Variants in RALGPS2 observed in about 807,000 individuals in gnomAD.
The protein encoded by RALGPS2 is Ral GEF with PH domain and SH3 binding motif 2, also known as ras-specific guanine nucleotide-releasing factor RalGPS2.
RALGPS2 carries 43 observed loss-of-function variants against 86.8 expected under a neutral mutation model. The ratio of observed to expected loss-of-function variants is 0.50; its 90% confidence interval spans 0.39 to 0.64. RALGPS2 has a LOEUF of 0.64. Ranked by LOEUF, RALGPS2 falls within the 30% of genes least tolerant of loss-of-function variation. The pLI is 0.00. For missense variants in RALGPS2, 536 were observed against 694.6 expected (o/e 0.77, Z 2.57); for synonymous variants, 243 against 231.3 (o/e 1.05, Z -0.46).
intron 1 of RALGPS2, among the ~76,000 whole-genome samples, chr1:178,767,923 A>G (rs1652594259): frequency 1.3e-5 from 2 of 152,158 alleles, no homozygotes. Flanking sequence ...CATCCAGCTG[A>G]GTTCCCACAG....
intron 7 of RALGPS2, among the ~76,000 whole-genome samples, chr1:178,830,888 C>CT (rs1256906026): frequency 1.3e-5 from 2 of 151,746 alleles, no homozygotes; most frequent in Non-Finnish European, 2.9e-5. Flanking sequence ...ATCCAGAACT[C>CT]TTAACAACGA....
At chr1:178,803,155 T>G (rs1252262946) in intron 4 of RALGPS2, among the ~76,000 whole-genome samples, 1 of 152,168 alleles carries the variant, frequency 6.6e-6, no homozygotes, top group African/African-American at 2.4e-5. Flanking sequence ...AGGTTCATAC[T>G]CTTTGACCTC....
intron 11 of RALGPS2, among the ~76,000 whole-genome samples, 163 bp from the exon 12 acceptor site, chr1:178,884,913 G>A (rs908782450): frequency 6.6e-6 from 1 of 152,082 alleles, no homozygotes; most frequent in Non-Finnish European, 1.5e-5. Context: ...TGTATGGTTT[G>A]GGATTTTGTG....
chr1:178,756,004 G>C (rs1172537951), intron 1 of RALGPS2, among the ~76,000 whole-genome samples: 4 of 151,912 alleles, frequency 2.6e-5, no homozygotes, highest in Non-Finnish European at 2.9e-5. Flanking sequence ...GTGTCTGTTT[G>C]TATCTTTTGT....
At chr1:178,901,684 T>C (rs961005773) in intron 17 of RALGPS2, among the ~76,000 whole-genome samples, 17 of 142,940 alleles carry the variant, frequency 1.2e-4, no homozygotes, top group African/African-American at 4.2e-4. Context: ...TGAGACTGTC[T>C]CAAAAAAAAA....
chr1:178,770,841 T>A (rs944690396), intron 1 of RALGPS2, among the ~76,000 whole-genome samples: 1 of 149,150 alleles, frequency 6.7e-6, no homozygotes, highest in Non-Finnish European at 1.5e-5. Context: ...TGTTGTTGTT[T>A]TTTTTTTTTT....
chr1:178,758,271 G>A (rs1177060598), intron 1 of RALGPS2, among the ~76,000 whole-genome samples: 1 of 151,572 alleles, frequency 6.6e-6, no homozygotes, highest in African/African-American at 2.4e-5. Flanking sequence ...TAATTCTTGG[G>A]GGTATATAGT....
At chr1:178,858,646 A>G (rs762082618) in intron 8 of RALGPS2, among the ~76,000 whole-genome samples, 4 of 152,210 alleles carry the variant, frequency 2.6e-5, no homozygotes, top group Admixed American at 1.3e-4. Flanking sequence ...ATTAAAGTTT[A>G]CATAGGGCTA....
At chr1:178,733,495 A>G (rs368446226) in intron 1 of RALGPS2, among the ~76,000 whole-genome samples, 1 of 152,370 alleles carries the variant, frequency 6.6e-6, no homozygotes, top group East Asian at 1.9e-4. Context: ...GAAAACCGCA[A>G]ATTAAAACTA....
intron 12 of RALGPS2, chr1:178,885,435 A>C (rs1284161367): frequency 1.2e-5 from 6 of 482,826 alleles, no homozygotes; most frequent in African/African-American, 2.0e-5. Flanking sequence ...ATATTTGGGG[A>C]CGATAAATGA....
At chr1:178,869,446 G>A (rs967769681) in intron 8 of RALGPS2, among the ~76,000 whole-genome samples, 1 of 152,066 alleles carries the variant, frequency 6.6e-6, no homozygotes, top group African/African-American at 2.4e-5. Context: ...TTAAGAAAAG[G>A]ATAAATAGTT....
rs1651347641 is a variant in RALGPS2 at position 178,746,676 on chromosome 1, A to G, written c.-84+21257A>G. ...TATAGCTGCAGAATATTCTCAAGTC[A>G]TGAATATTAGGTATCTGTCAATCTT... On this transcript the variant is annotated intron_variant, in intron 1 of 19. Transcript: ENST00000367635. 7 of 772,298 alleles carry G rather than the reference A, an allele frequency of 9.1e-6. No individual in the cohort carries two copies. In the South Asian group the frequency reaches 9.4e-5, roughly 10 times the overall value. 47.8% of individuals were successfully genotyped at this position (772,298 alleles called of 1,614,324 possible).
intron 19 of RALGPS2, among the ~76,000 whole-genome samples, chr1:178,909,871 G>A (rs371552551): frequency 1.3e-5 from 2 of 151,664 alleles, no homozygotes; most frequent in African/African-American, 4.8e-5. Flanking sequence ...GGATGGTCTC[G>A]ATCTCCTGAC....
rs771543522 is a variant in RALGPS2 at position 178,885,124 on chromosome 1, C to T, written c.953C>T (p.Ala318Val). 1 of 1,612,372 alleles carries T rather than the reference C, an allele frequency of 6.2e-7. No individual in the cohort carries two copies. The highest frequency in any genetic ancestry group is 1.7e-5 in the Admixed American group (1 of 59,542). ...CAGAGTGGACGAAAAAGTGTGGCAG[C>T]TGAAGGAGCCTTGCTCCCACAGACA... The part of the protein sequence containing the change: ...SPQSGRKSVA[A>V]EGALLPQTPP... The change falls in exon 12 of 20, where the codon GCT (alanine) becomes GTT (valine). Residue 318 changes from alanine to valine, a missense_variant. By Grantham distance (64) the Ala-to-Val change is moderately conservative. Transcript: ENST00000367635.
intron 7 of RALGPS2, among the ~76,000 whole-genome samples, chr1:178,832,389 G>A (rs1656067759): frequency 2.0e-5 from 3 of 152,104 alleles, no homozygotes; most frequent in Non-Finnish European, 4.4e-5. Context: ...AAAGAGTAGT[G>A]GATTAGGTGT....
intron 8 of RALGPS2, among the ~76,000 whole-genome samples, chr1:178,838,589 T>A (rs912449191): frequency 2.0e-5 from 3 of 152,134 alleles, no homozygotes; most frequent in African/African-American, 7.2e-5. Flanking sequence ...ACAGAAAAGC[T>A]GAAAATTCTA....
At chr1:178,836,764 TTTTC>T (rs113602584) in intron 8 of RALGPS2, among the ~76,000 whole-genome samples, 9 of 152,130 alleles carry the variant, frequency 5.9e-5, no homozygotes, top group Non-Finnish European at 1.2e-4. Flanking sequence ...AGTCCACTTC[TTTTC>T]TTTCTTTCTT....
Position 178,877,611 on chromosome 1 carries a change from G to C in RALGPS2, c.721G>C (p.Asp241His). The change falls in exon 9 of 20, where the codon GAT becomes CAT. Residue 241 changes from aspartate (D) to histidine (H), a missense_variant. Physicochemically the swap from Asp to His is moderately conservative, Grantham distance 81. Coordinates refer to ENST00000367635, the MANE Select transcript of RALGPS2 (RefSeq NM_152663.5). ...LMNNILRIISDLQQSCEYDIP... is the reference protein window; with the variant it reads ...LMNNILRIISHLQQSCEYDIP... ...GAATAATATCCTTCGAATAATTTCT[G>C]ATTTACAGCAGTCTTGTGAATATGG... The C allele has an allele frequency of 6.2e-7, 1 of 1,613,194 alleles. No homozygotes were observed. Among genetic ancestry groups the C allele is most frequent in the Non-Finnish European group, 8.5e-7 (1 of 1,179,450 alleles).
At chr1:178,882,476 C>G (rs1390943002) in intron 10 of RALGPS2, among the ~76,000 whole-genome samples, 4 of 152,158 alleles carry the variant, frequency 2.6e-5, no homozygotes, top group African/African-American at 7.2e-5. Flanking sequence ...AATCATTTAT[C>G]TATTCAATAT....
Sources: gnomAD v4.1 joint callset for allele counts (sites outside exome capture counted in the v4.1 genomes callset) on GRCh38, gnomAD v4.1.1 for gene constraint, MANE v1.5 for transcripts, NCBI Gene and HGNC (gene_info 2026-07-23, HGNC 2026-07-21) for gene names.